The following MYO5A variants were observed in gnomAD, a reference collection of about 807,000 sequenced individuals.
The protein encoded by MYO5A is myosin VA.
A neutral mutation model predicts 249.7 loss-of-function variants in MYO5A; 98 were observed. That is an observed-to-expected ratio of 0.39 (90% CI 0.33 to 0.46). MYO5A has a LOEUF of 0.46. Among genes scored for constraint, MYO5A ranks in the 20% least tolerant of loss-of-function variants. MYO5A has a pLI of 0.98. For missense variants in MYO5A, 1,696 were observed against 2,308.8 expected, an observed-to-expected ratio of 0.73 and a Z score of 5.44; for synonymous variants, 778 against 810.6, an observed-to-expected ratio of 0.96 and a Z score of 0.68.
At chr15:52,333,725 C>G (rs1268654120) in intron 34 of MYO5A, among the ~76,000 whole-genome samples, 1 of 151,986 alleles carries the variant, frequency 6.6e-6, no homozygotes, top group African/African-American at 2.4e-5. Flanking sequence ...TTTTAAAAAG[C>G]CTCCTTAATT....
chr15:52,414,159 G>C (rs781271285), intron 5 of MYO5A, among the ~76,000 whole-genome samples: 1 of 152,108 alleles, frequency 6.6e-6, no homozygotes, highest in Non-Finnish European at 1.5e-5. Flanking sequence ...CACTGGAGTG[G>C]GTTGTTATGA....
intron 1 of MYO5A, among the ~76,000 whole-genome samples, chr15:52,497,755 T>TAAA (rs2077070262): frequency 2.4e-5 from 1 of 42,338 alleles, no homozygotes; most frequent in Non-Finnish European, 4.1e-5. Context: ...AGACTCTGTC[T>TAAA]CAAAAAAAAA....
chr15:52,385,577 T>TA (rs1277900495), intron 14 of MYO5A, among the ~76,000 whole-genome samples: 12 of 148,588 alleles, frequency 8.1e-5, no homozygotes, highest in East Asian at 4.0e-4. Flanking sequence ...TATATATATA[T>TA]TTTTTTAAAC....
chr15:52,460,236 A>G (rs1372079788), intron 1 of MYO5A, among the ~76,000 whole-genome samples: 1 of 152,030 alleles, frequency 6.6e-6, no homozygotes, highest in Non-Finnish European at 1.5e-5. Context: ...CTCACTTCCT[A>G]TACGGGGTGG....
chr15:52,438,979 C>T (rs949132532), intron 1 of MYO5A, among the ~76,000 whole-genome samples: 16 of 152,258 alleles, frequency 1.1e-4, no homozygotes, highest in Non-Finnish European at 1.8e-4. Context: ...CCCGATAGGG[C>T]TACAGGCTTG....
chr15:52,441,949 CA>C, intron 1 of MYO5A, among the ~76,000 whole-genome samples: 1 of 152,220 alleles, frequency 6.6e-6, no homozygotes, highest in Admixed American at 6.5e-5. Flanking sequence ...TCGGTCTTAC[CA>C]AACACTCCCA....
intron 9 of MYO5A, among the ~76,000 whole-genome samples, chr15:52,399,425 G>C (rs1273249878): frequency 6.6e-6 from 1 of 152,050 alleles, no homozygotes. Flanking sequence ...AGTCTCCTAG[G>C]ATTACAGGCA....
At chr15:52,450,849 T>TGTTTTTCTG (rs60176045) in intron 1 of MYO5A, among the ~76,000 whole-genome samples, 9 of 143,624 alleles carry the variant, frequency 6.3e-5, no homozygotes, top group Admixed American at 2.8e-4. Flanking sequence ...TGTGGTTTTT[T>TGTTTTTCTG]TTTTTTTTTT....
chr15:52,356,571 T>C (rs1306347877), intron 25 of MYO5A, among the ~76,000 whole-genome samples: 1 of 151,976 alleles, frequency 6.6e-6, no homozygotes, highest in East Asian at 1.9e-4. Flanking sequence ...TTGAAGTTGT[T>C]TCTAATTTTT....
Position 52,346,417 on chromosome 15 carries a change from T to C in MYO5A, c.3903A>G (p.Lys1301=), listed in dbSNP as rs766921242. 8 of 1,608,146 alleles carry C rather than the reference T, an allele frequency of 5.0e-6. No individual in the cohort carries two copies. The highest frequency in any genetic ancestry group is 6.8e-6 in the Non-Finnish European group (8 of 1,174,824). ...GTGCTATTTCACCTTTATCTTTCAT[T>C]TTTTGTACATCTTCCAAAAGTATTG... ...DSTILLEDVQ[K]MKDKGEIAQA... The change falls in exon 30 of 42, where the codon AAA becomes AAG. Residue 1301 remains lysine (K), a synonymous_variant. Coordinates refer to ENST00000399233, the MANE Select transcript of MYO5A (RefSeq NM_001382347.1).
chr15:52,474,094 G>A (rs548902629), intron 1 of MYO5A, among the ~76,000 whole-genome samples: 1 of 152,294 alleles, frequency 6.6e-6, no homozygotes, highest in South Asian at 2.1e-4. Flanking sequence ...TCTCCTTGAA[G>A]AGGTCCTTCA....
chr15:52,375,516 C>T, intron 19 of MYO5A, 56 bp from the exon 20 acceptor site: 2 of 1,580,416 alleles, frequency 1.3e-6, no homozygotes, highest in Non-Finnish European at 1.7e-6. Context: ...TGCAGGAATA[C>T]ATATTAGAGA....
chr15:52,412,652 G>A (rs2043300136), intron 5 of MYO5A, among the ~76,000 whole-genome samples: 1 of 152,070 alleles, frequency 6.6e-6, no homozygotes, highest in South Asian at 2.1e-4. Context: ...TCCCTCAATT[G>A]TTGCCTCTGC....
intron 22 of MYO5A, 71 bp downstream of exon 22, chr15:52,370,098 C>T (rs1387927701): frequency 1.1e-5 from 17 of 1,591,162 alleles, no homozygotes; most frequent in South Asian, 4.5e-5. Flanking sequence ...GTGAGTCACA[C>T]GGACCAAGTC....
intron 30 of MYO5A, among the ~76,000 whole-genome samples, 166 bp downstream of exon 30, chr15:52,346,195 T>G (rs1399813866): frequency 6.6e-6 from 1 of 152,208 alleles, no homozygotes; most frequent in African/African-American, 2.4e-5. Context: ...TATATTATAA[T>G]GAAGATCTTA....
At position 52,407,285 on chromosome 15, in the gene MYO5A, A is replaced by G. The variant is rs778243851; in HGVS notation, c.946+7T>C. On this transcript the variant is annotated splice_region_variant and intron_variant, in intron 8 of 41. Transcript: ENST00000399233. The stretch of plus-strand genomic sequence containing the variant: ...CTCTTAAGAGCTCAAGAATAAAGTG[A>G]CATTACCTAGCAAAGTGCAGGCCTG... 6.3e-7 allele frequency: 1 copy of G among 1,599,792 alleles called. No individual in the cohort carries two copies. Among genetic ancestry groups the G allele is most frequent in the Non-Finnish European group, 8.6e-7 (1 of 1,166,942 alleles).
chr15:52,439,270 T>C (rs2075735581), intron 1 of MYO5A, among the ~76,000 whole-genome samples: 1 of 152,174 alleles, frequency 6.6e-6, no homozygotes, highest in Non-Finnish European at 1.5e-5. Flanking sequence ...CCGGTAACAC[T>C]GTCATGTAGC....
At chr15:52,391,379 A>C (rs2042229099) in intron 12 of MYO5A, among the ~76,000 whole-genome samples, 1 of 152,196 alleles carries the variant, frequency 6.6e-6, no homozygotes. Flanking sequence ...ACCTGTGCTA[A>C]AATGTAACTT....
At position 52,337,877 on chromosome 15, in the gene MYO5A, T is replaced by C. The variant is rs1251395543; in HGVS notation, c.4247A>G (p.Glu1416Gly). The C allele has an allele frequency of 6.5e-7, 1 of 1,541,200 alleles. No homozygotes were observed. Among genetic ancestry groups the C allele is most frequent in the Non-Finnish European group, 8.8e-7 (1 of 1,140,908 alleles). ...TRLTNENLYF[E>G]ELYADDPKKY... ...CTTAGGGTCATCTGCATATAATTCCTCAAAATACTGAAAAAACAGGCACAA... is the reference window on the plus strand; with the variant it reads ...CTTAGGGTCATCTGCATATAATTCCCCAAAATACTGAAAAAACAGGCACAA... Residue 1416 changes from glutamate (E) to glycine (G), a missense_variant, in exon 33 of 42, where the codon GAG becomes GGG. Coordinates refer to ENST00000399233, the MANE Select transcript of MYO5A (RefSeq NM_001382347.1).
Sources: allele counts gnomAD v4.1 joint callset (sites outside exome capture counted in the v4.1 genomes callset), GRCh38; gene constraint gnomAD v4.1.1; transcripts MANE v1.5; gene names NCBI Gene and HGNC (gene_info 2026-07-23, HGNC 2026-07-21).